Variants in HDAC8 observed in about 807,000 individuals in gnomAD.
The protein encoded by HDAC8 is histone deacetylase 8.
A neutral mutation model predicts 32.2 loss-of-function variants in HDAC8; 1 was observed. That is an observed-to-expected ratio of 0.03 (90% CI 0.01 to 0.15). The LOEUF (loss-of-function observed/expected upper bound fraction) is 0.15. Ranked by LOEUF, HDAC8 falls within the 10% of genes least tolerant of loss-of-function variation. The pLI is 1.00. For missense variants in HDAC8, 117 were observed against 300.0 expected (o/e 0.39, Z 4.51); for synonymous variants, 108 against 113.9 (o/e 0.95, Z 0.33).
At chrX:72,510,495 G>C (rs996237129) in intron 4 of HDAC8, among the ~76,000 whole-genome samples, 5 of 111,648 alleles carry the variant, frequency 4.5e-5, no homozygotes, top group Non-Finnish European at 7.5e-5. Context: ...AAAAGTGCTG[G>C]AAGGCCAGTT....
intron 7 of HDAC8, among the ~76,000 whole-genome samples, chrX:72,484,521 A>G (rs1569334563): frequency 8.9e-6 from 1 of 112,549 alleles, no homozygotes. Context: ...TCACCCATAC[A>G]CATTATAAGC....
chrX:72,405,742 T>C (rs1346965614), intron 9 of HDAC8, among the ~76,000 whole-genome samples: 1 of 112,611 alleles, frequency 8.9e-6, no homozygotes, highest in Admixed American at 9.4e-5. Flanking sequence ...CCATTCTTAC[T>C]TTTTTCATCT....
intron 9 of HDAC8, among the ~76,000 whole-genome samples, chrX:72,417,605 A>G (rs782716805): frequency 1.4e-4 from 16 of 112,058 alleles, no homozygotes; most frequent in Non-Finnish European, 2.8e-4. Flanking sequence ...CCATGCTCAG[A>G]TAGGAAGACT....
intron 9 of HDAC8, among the ~76,000 whole-genome samples, chrX:72,376,740 C>T (rs1191272211): frequency 9.0e-6 from 1 of 111,029 alleles, no homozygotes; most frequent in Non-Finnish European, 1.9e-5. Flanking sequence ...ATTTCTTTTC[C>T]TCTGCTTGCT....
At chrX:72,345,912 C>G (rs782804784) in intron 10 of HDAC8, among the ~76,000 whole-genome samples, 1 of 111,399 alleles carries the variant, frequency 9.0e-6, no homozygotes, top group Non-Finnish European at 1.9e-5. Context: ...TTGAACTCCT[C>G]GGCTCAAGCA....
chrX:72,337,048 C>A (rs1201246321), intron 10 of HDAC8, among the ~76,000 whole-genome samples: 2 of 112,311 alleles, frequency 1.8e-5, no homozygotes, highest in Non-Finnish European at 3.8e-5. Context: ...CTGCACTCAG[C>A]CTCTTTTGCC....
At chrX:72,498,516 T>C (rs1186270059) in intron 4 of HDAC8, among the ~76,000 whole-genome samples, 3 of 111,906 alleles carry the variant, frequency 2.7e-5, no homozygotes, top group Non-Finnish European at 5.6e-5. Flanking sequence ...TCCACATTGC[T>C]TCTTTGTTTT....
At chrX:72,413,032 TA>T (rs1323024001) in intron 9 of HDAC8, among the ~76,000 whole-genome samples, 1 of 111,624 alleles carries the variant, frequency 9.0e-6, no homozygotes, top group Non-Finnish European at 1.9e-5. Flanking sequence ...GTTTGATTTT[TA>T]AAAAAATCTC....
Position 72,416,408 on chromosome X carries a change from G to GTTTTTT in HDAC8, c.1005+45590_1005+45595dup, listed in dbSNP as rs549411405. On this transcript the variant is annotated intron_variant, in intron 9 of 10. Transcript: ENST00000373573. ...GATATTGGAAATTTGTGTCTTCTCTGTTTTTTTTTTTTTTTTTTTTTTTTT... is the reference window on the plus strand; with the variant it reads ...GATATTGGAAATTTGTGTCTTCTCTGTTTTTTTTTTTTTTTTTTTTTTTTTTTTTTT... Among the ~76,000 whole-genome samples the GTTTTTT allele has an allele frequency of 5.4e-4, 2 of 3,694 alleles. 1 individual carries two copies. The highest frequency in any genetic ancestry group is 1.7e-3 in the Non-Finnish European group (2 of 1,177). 3.2% of individuals were successfully genotyped at this position (3,694 alleles called of 115,157 possible).
Position 72,572,639 on chromosome X carries a change from G to T in HDAC8, c.111+12C>A, listed in dbSNP as rs782310083. On this transcript the variant is annotated intron_variant, in intron 1 of 10. Coordinates refer to ENST00000373573, the MANE Select transcript of HDAC8 (RefSeq NM_018486.3). ...CCCAAAGCCCATGGTCTTTCATCCC[G>T]ACTTCCCTTACCCGTTTGGGGATCT... 1 of 248,067 alleles carries T rather than the reference G, an allele frequency of 4.0e-6. No individual in the cohort carries two copies. The highest frequency in any genetic ancestry group is 6.6e-6 in the Non-Finnish European group (1 of 151,145). 20.4% of individuals were successfully genotyped at this position (248,067 alleles called of 1,213,427 possible). A position where few individuals can be genotyped will look rare whatever the true frequency, so the allele number is the denominator to read the frequency against.
intron 9 of HDAC8, among the ~76,000 whole-genome samples, chrX:72,388,506 C>G (rs968017410): frequency 4.6e-5 from 5 of 108,855 alleles, no homozygotes; most frequent in African/African-American, 6.7e-5. Flanking sequence ...GATCTGGAAT[C>G]TAGAGGACCA....
intron 7 of HDAC8, chrX:72,474,293 CTATT>C (rs2048267908): frequency 3.1e-5 from 23 of 736,380 alleles, no homozygotes; most frequent in Non-Finnish European, 3.5e-5. Flanking sequence ...AAATCAATCT[CTATT>C]TATTTATCTA....
intron 9 of HDAC8, among the ~76,000 whole-genome samples, chrX:72,423,789 G>A (rs2046557346): frequency 8.9e-6 from 1 of 111,941 alleles, no homozygotes. Flanking sequence ...CAGGCAATCT[G>A]TGAATTCCAT....
At chrX:72,444,097 C>T (rs782325035) in intron 9 of HDAC8, among the ~76,000 whole-genome samples, 2 of 109,470 alleles carry the variant, frequency 1.8e-5, no homozygotes, top group South Asian at 4.0e-4. Flanking sequence ...AGCTGAATTC[C>T]ACCAGAGGTA....
intron 5 of HDAC8, among the ~76,000 whole-genome samples, chrX:72,494,767 T>C (rs1556011942): frequency 1.8e-5 from 2 of 111,948 alleles, no homozygotes; most frequent in African/African-American, 6.5e-5. Context: ...TGTTAGCCCA[T>C]CATACGCCCA....
chrX:72,460,136 A>AT (rs1229018854), intron 9 of HDAC8, among the ~76,000 whole-genome samples: 9 of 109,376 alleles, frequency 8.2e-5, no homozygotes, highest in African/African-American at 1.7e-4. Flanking sequence ...GATAACTTGC[A>AT]TTTTTTTTTC....
At chrX:72,450,235 C>T (rs1555986905) in intron 9 of HDAC8, among the ~76,000 whole-genome samples, 1 of 111,715 alleles carries the variant, frequency 9.0e-6, no homozygotes, top group Non-Finnish European at 1.9e-5. Context: ...CAGTGATTGC[C>T]AAGGGTTCGT....
In HDAC8 at chrX:72,351,077, C is replaced by G. The variant is rs782017281; in HGVS notation, c.1111+656G>C. Among the ~76,000 whole-genome samples the G allele has an allele frequency of 3.6e-5, 4 of 111,583 alleles. No homozygotes were observed. The East Asian group carries it at 1.1e-3, about 31-fold the overall frequency. On this transcript the variant is annotated intron_variant, in intron 10 of 10. Coordinates refer to ENST00000373573, the MANE Select transcript of HDAC8 (RefSeq NM_018486.3). ...AGAGAATGCCTGTGAGCCCCCTCCC[C>G]ACCCCTGCTAAGTCTGAATTGACTT...
At chrX:72,374,050 C>T (rs1440257046) in intron 9 of HDAC8, among the ~76,000 whole-genome samples, 2 of 111,035 alleles carry the variant, frequency 1.8e-5, no homozygotes, top group Non-Finnish European at 3.8e-5. Flanking sequence ...GGTTATTTTG[C>T]TCTTGTTATT....
Sources: gnomAD v4.1 joint callset for allele counts (sites outside exome capture counted in the v4.1 genomes callset) on GRCh38, gnomAD v4.1.1 for gene constraint, MANE v1.5 for transcripts, NCBI Gene and HGNC (gene_info 2026-07-23, HGNC 2026-07-21) for gene names.